The following AGO3 variants were observed in gnomAD, a reference collection of about 807,000 sequenced individuals.
The protein encoded by AGO3 is argonaute RISC catalytic component 3, also known as protein argonaute-3.
A neutral mutation model predicts 105.5 loss-of-function variants in AGO3; 16 were observed. The observed-to-expected ratio is 0.15, with a 90% confidence interval of 0.10 to 0.23. AGO3 has a LOEUF of 0.23. Ranked by LOEUF, AGO3 falls within the 10% of genes least tolerant of loss-of-function variation. The pLI is 1.00. For synonymous variants in AGO3, 340 were observed against 367.3 expected (o/e 0.93, Z 0.85); for missense variants, 534 against 1,088.0 (o/e 0.49, Z 7.16).
At position 35,973,308 on chromosome 1, in the gene AGO3, C is replaced by T. The variant is rs543486500; in HGVS notation, c.522-67C>T. ...TATGTTAATTGTGCTCTAGTCTCCC[C>T]TTTTCTGCAGATTTAAATACTTGCA... On this transcript the variant is annotated intron_variant, in intron 4 of 18. Transcript: ENST00000373191. 1.2e-3 allele frequency: 1,558 copies of T among 1,338,864 alleles called. No individual in the cohort carries two copies. The highest frequency in any genetic ancestry group is 1.4e-3 in the Non-Finnish European group (1,415 of 1,025,604). 82.9% of individuals were successfully genotyped at this position (1,338,864 alleles called of 1,614,324 possible).
chr1:35,987,585 G>C (rs1200300589), intron 5 of AGO3, among the ~76,000 whole-genome samples: 1 of 151,898 alleles, frequency 6.6e-6, no homozygotes, highest in Non-Finnish European at 1.5e-5. Context: ...TTATAAAACA[G>C]ATGGGACAAA....
rs1289085650 is a variant in AGO3 at position 36,027,867 on chromosome 1, G to C, written c.1591+569G>C. On this transcript the variant is annotated intron_variant, in intron 12 of 18. Coordinates refer to ENST00000373191, the MANE Select transcript of AGO3 (RefSeq NM_024852.4). This position sits in a 1 kb window ranked among gnomAD's most constrained non-coding sequence, Gnocchi z 4.0. The stretch of plus-strand genomic sequence containing the variant: ...AATTATTGAATAAAAATGGCATTGA[G>C]ATAATTTGAGTATCAGTATAATGTA... Among the ~76,000 whole-genome samples, 2 of 152,070 alleles carry C rather than the reference G, an allele frequency of 1.3e-5. No individual in the cohort carries two copies. Among genetic ancestry groups the C allele is most frequent in the African/African-American group, 4.8e-5 (2 of 41,392 alleles).
intron 5 of AGO3, among the ~76,000 whole-genome samples, chr1:35,985,021 G>A (rs372885582): frequency 2.6e-5 from 4 of 152,238 alleles, no homozygotes; most frequent in Middle Eastern, 3.4e-3. Flanking sequence ...GGCCAGGTAC[G>A]GTGGGTATGC....
At chr1:35,978,627 A>G (rs1646995454) in intron 5 of AGO3, among the ~76,000 whole-genome samples, 1 of 152,196 alleles carries the variant, frequency 6.6e-6, no homozygotes, top group Non-Finnish European at 1.5e-5. Context: ...GCAAGTTACA[A>G]CAGTCTTACT....
chr1:36,064,415 A>G lies in AGO3; in HGVS notation c.*8670A>G, dbSNP rs758245106. 1.3e-5 allele frequency: 2 copies of G among 152,222 alleles called. No individual in the cohort carries two copies. Among genetic ancestry groups the G allele is most frequent in the Non-Finnish European group, 2.9e-5 (2 of 68,040 alleles). 9.4% of individuals were successfully genotyped at this position (152,222 alleles called of 1,614,324 possible). A position where few individuals can be genotyped will look rare whatever the true frequency, so the allele number is the denominator to read the frequency against. On this transcript the variant is annotated 3_prime_UTR_variant, in exon 19 of 19. Transcript: ENST00000373191. Reference sequence around the variant, plus strand: ...AAATAAAAATAAATAAAAGTACATGAAAAAAGTATATTCCCTTAAGCAGGT... The same window carrying G: ...AAATAAAAATAAATAAAAGTACATGGAAAAAGTATATTCCCTTAAGCAGGT...
intron 9 of AGO3, among the ~76,000 whole-genome samples, chr1:36,009,879 A>C (rs1370647292): frequency 6.6e-6 from 1 of 151,374 alleles, no homozygotes; most frequent in Non-Finnish European, 1.5e-5. Context: ...CACCTAAAAG[A>C]GGTGGGAAAT....
intron 1 of AGO3, among the ~76,000 whole-genome samples, chr1:35,933,452 A>G (rs996918033): frequency 1.3e-5 from 2 of 151,994 alleles, no homozygotes; most frequent in Admixed American, 1.3e-4. Context: ...AGACCAGCCT[A>G]GGTAACATAG....
intron 5 of AGO3, among the ~76,000 whole-genome samples, chr1:36,003,405 T>C (rs539012997): frequency 6.6e-6 from 1 of 152,076 alleles, no homozygotes; most frequent in South Asian, 2.1e-4. Context: ...TAAATATTAC[T>C]ATCTGTAGAC....
intron 5 of AGO3, among the ~76,000 whole-genome samples, chr1:35,994,736 G>GA (rs1173341045): frequency 4.6e-5 from 7 of 151,904 alleles, no homozygotes; most frequent in East Asian, 1.9e-4. Flanking sequence ...CAATTGAAAT[G>GA]AAAAAAAATT....
intron 17 of AGO3, among the ~76,000 whole-genome samples, chr1:36,044,625 A>G (rs1485266500): frequency 6.6e-6 from 1 of 151,980 alleles, no homozygotes; most frequent in Non-Finnish European, 1.5e-5. Context: ...TTTTTCTAGT[A>G]GAGACAGGGT....
At chr1:35,960,217 C>G (rs1358002802) in intron 2 of AGO3, among the ~76,000 whole-genome samples, 1 of 151,978 alleles carries the variant, frequency 6.6e-6, no homozygotes, top group African/African-American at 2.4e-5. Flanking sequence ...AGTGTTTTTT[C>G]TCTAGCTCCA....
At chr1:35,939,525 G>A (rs1646214511) in intron 1 of AGO3, among the ~76,000 whole-genome samples, 2 of 152,174 alleles carry the variant, frequency 1.3e-5, no homozygotes, top group Non-Finnish European at 2.9e-5. Flanking sequence ...TAGGGTGTCT[G>A]TGTGTATGTC....
chr1:35,931,348 C>T lies in AGO3; in HGVS notation c.-79C>T, dbSNP rs372333004. ...AGTGAGAGTGCCCGTCGCGTCGCGCCGCGTCGCCCCCCGGGCCGCCTCCTT... is the reference window on the plus strand; with the variant it reads ...AGTGAGAGTGCCCGTCGCGTCGCGCTGCGTCGCCCCCCGGGCCGCCTCCTT... On this transcript the variant is annotated 5_prime_UTR_variant, in exon 1 of 19. Coordinates refer to ENST00000373191, the MANE Select transcript of AGO3 (RefSeq NM_024852.4). 2.3e-6 allele frequency: 3 copies of T among 1,327,936 alleles called. No individual in the cohort carries two copies. Among genetic ancestry groups the T allele is most frequent in the African/African-American group, 3.1e-5 (2 of 65,140 alleles). 82.3% of individuals were successfully genotyped at this position (1,327,936 alleles called of 1,614,324 possible). A position where few individuals can be genotyped will look rare whatever the true frequency, so the allele number is the denominator to read the frequency against.
chr1:35,993,525 C>T (rs975248875), intron 5 of AGO3, among the ~76,000 whole-genome samples: 2 of 151,880 alleles, frequency 1.3e-5, no homozygotes, highest in Non-Finnish European at 2.9e-5. Flanking sequence ...GAAACAAATT[C>T]CTTGACAAGC....
chr1:36,007,950 C>T lies in AGO3; in HGVS notation c.794-740C>T, dbSNP rs115158805. Among the ~76,000 whole-genome samples the T allele has an allele frequency of 4.4e-3, 673 of 152,194 alleles. 7 individuals are homozygous for T. Among genetic ancestry groups the T allele is most frequent in the Non-Finnish European group, 7.2e-3 (491 of 68,014 alleles). ...TGAACCCCTAGAGTCCACAGATGGA[C>T]GGCAGGGATCCAAGAACTCCTAAAA... On this transcript the variant is annotated intron_variant, in intron 6 of 18. Coordinates refer to ENST00000373191, the MANE Select transcript of AGO3 (RefSeq NM_024852.4).
At chr1:36,044,445 A>C (rs1182859110) in intron 17 of AGO3, among the ~76,000 whole-genome samples, 2 of 151,078 alleles carry the variant, frequency 1.3e-5, no homozygotes, top group Non-Finnish European at 3.0e-5. Context: ...TGTTTTTGAG[A>C]CAGAGTCTCA....
At chr1:35,952,553 G>A (rs1026425926) in intron 2 of AGO3, among the ~76,000 whole-genome samples, 17 of 152,092 alleles carry the variant, frequency 1.1e-4, no homozygotes, top group African/African-American at 3.9e-4. Flanking sequence ...AGTATATTCA[G>A]GCACTGCATA....
chr1:35,984,347 AC>A (rs1490956778), intron 5 of AGO3: 3 of 152,232 alleles, frequency 2.0e-5, no homozygotes, highest in African/African-American at 7.2e-5. Flanking sequence ...AAAAAAAGAA[AC>A]AAAAAGTAGA....
intron 2 of AGO3, among the ~76,000 whole-genome samples, chr1:35,947,773 T>C (rs918267607): frequency 6.6e-6 from 1 of 152,234 alleles, no homozygotes; most frequent in African/African-American, 2.4e-5. Flanking sequence ...CATCCACTTA[T>C]GGGGACTTAA....
Sources: allele counts gnomAD v4.1 joint callset (sites outside exome capture counted in the v4.1 genomes callset), GRCh38; gene constraint gnomAD v4.1.1; non-coding constraint Gnocchi (gnomAD v3.1); transcripts MANE v1.5; gene names NCBI Gene and HGNC (gene_info 2026-07-23, HGNC 2026-07-21).